Variants in GRIN2A observed in about 807,000 individuals in gnomAD.
GRIN2A encodes glutamate ionotropic receptor NMDA type subunit 2A.
Under a neutral mutation model 113.4 loss-of-function variants are expected in GRIN2A, and 22 were observed. The observed-to-expected ratio is 0.19, with a 90% CI of 0.14 to 0.28. GRIN2A has a LOEUF of 0.28. Ranked by LOEUF, GRIN2A falls within the 10% of genes least tolerant of loss-of-function variation. The pLI is 1.00. For synonymous variants in GRIN2A, 827 were observed against 738.4 expected, an observed-to-expected ratio of 1.12 and a Z score of -1.94; for missense variants, 1,502 against 1,887.0, an observed-to-expected ratio of 0.80 and a Z score of 3.78.
At position 10,174,103 on chromosome 16, in the gene GRIN2A, A is replaced by T. The variant is rs184679948; in HGVS notation, c.414+5895T>A. Among the ~76,000 whole-genome samples, 319 of 152,342 alleles carry T rather than the reference A, an allele frequency of 2.1e-3. 2 individuals carry two copies. The highest frequency in any genetic ancestry group is 7.5e-3 in the African/African-American group (310 of 41,574). On this transcript the variant is annotated intron_variant, in intron 2 of 12. Transcript: ENST00000330684. ...CACATAATCCATGGAGGATAGGTCC[A>T]ATATGAGCCATGAGAACAGAGGTGT...
intron 2 of GRIN2A, among the ~76,000 whole-genome samples, chr16:10,163,841 G>A (rs570323066): frequency 6.6e-6 from 1 of 152,176 alleles, no homozygotes; most frequent in Non-Finnish European, 1.5e-5. Flanking sequence ...CCTGCCACCT[G>A]GGCAATATCC....
intron 2 of GRIN2A, among the ~76,000 whole-genome samples, chr16:10,042,243 C>G (rs907402107): frequency 6.6e-6 from 1 of 152,192 alleles, no homozygotes; most frequent in Non-Finnish European, 1.5e-5. Flanking sequence ...TGGCAACTCT[C>G]TTCTCATGAA....
At chr16:9,822,125 T>A in intron 10 of GRIN2A, 139 bp downstream of exon 10, 2 of 926,392 alleles carry the variant, frequency 2.2e-6, no homozygotes, top group Non-Finnish European at 3.5e-6. Context: ...AAAACTGCCC[T>A]CAACTGGGGC....
intron 2 of GRIN2A, among the ~76,000 whole-genome samples, chr16:10,015,471 C>A (rs1303674025): frequency 6.6e-6 from 1 of 151,878 alleles, no homozygotes; most frequent in Non-Finnish European, 1.5e-5. Flanking sequence ...CTCAGTGACA[C>A]AACAACTAGT....
At chr16:9,975,911 G>A (rs563518840) in intron 2 of GRIN2A, among the ~76,000 whole-genome samples, 5 of 152,272 alleles carry the variant, frequency 3.3e-5, no homozygotes, top group Non-Finnish European at 7.4e-5. Flanking sequence ...CAGTATTCCC[G>A]GAGGGGCATT....
At chr16:10,101,162 C>T (rs531208804) in intron 2 of GRIN2A, among the ~76,000 whole-genome samples, 1 of 152,338 alleles carries the variant, frequency 6.6e-6, no homozygotes, top group South Asian at 2.1e-4. Context: ...CCAAAGCTTT[C>T]TGTTAGGTTG....
intron 2 of GRIN2A, among the ~76,000 whole-genome samples, chr16:10,149,196 G>A (rs2049511637): frequency 1.3e-5 from 2 of 152,188 alleles, no homozygotes. Flanking sequence ...CAACTTAATT[G>A]TATATTTTTA....
intron 2 of GRIN2A, among the ~76,000 whole-genome samples, chr16:10,143,383 T>C (rs1376514100): frequency 1.3e-5 from 2 of 152,220 alleles, no homozygotes; most frequent in Non-Finnish European, 2.9e-5. Context: ...GCCATTCTAC[T>C]ATATTAAAAA....
At chr16:9,983,228 A>T (rs1030202573) in intron 2 of GRIN2A, among the ~76,000 whole-genome samples, 10 of 152,164 alleles carry the variant, frequency 6.6e-5, no homozygotes, top group Non-Finnish European at 1.5e-4. Context: ...TGTCTAGCGT[A>T]ATTTTGTATC....
intron 2 of GRIN2A, among the ~76,000 whole-genome samples, chr16:10,138,229 A>C (rs1070485): frequency 0.43 from 65,305 of 152,118 alleles, 16,487 homozygotes; most frequent in East Asian, 0.85. Flanking sequence ...GAAGTCAGAG[A>C]GGGCTGAGTT....
In GRIN2A at chr16:9,998,265, C is replaced by T. The variant is rs552820726; in HGVS notation, c.415-59714G>A. Among the ~76,000 whole-genome samples the T allele has an allele frequency of 1.2e-4, 19 of 152,148 alleles. No individual in the cohort carries two copies. The South Asian group carries it at 2.5e-3, about 20-fold the overall frequency. ...TGTTATATAAGAGTGGCATGAACCT[C>T]GAAAACGTCATGATAAACGACAGGA... On this transcript the variant is annotated intron_variant, in intron 2 of 12. Coordinates refer to ENST00000330684, the MANE Select transcript of GRIN2A (RefSeq NM_001134407.3).
Position 9,926,205 on chromosome 16 carries a change from G to A in GRIN2A, c.1007+11754C>T, listed in dbSNP as rs531894012. On this transcript the variant is annotated intron_variant, in intron 3 of 12. Coordinates refer to ENST00000330684, the MANE Select transcript of GRIN2A (RefSeq NM_001134407.3). ...AAACAACTCAAATTCTCACCTGTAA[G>A]TTGAACCAAGAAGGAGGTTTATGAT... is the stretch of plus-strand genomic sequence containing the variant. Among the ~76,000 whole-genome samples, 3 of 152,318 alleles carry A rather than the reference G, an allele frequency of 2.0e-5. No individual in the cohort carries two copies. In the South Asian group the frequency reaches 6.2e-4, roughly 32 times the overall value.
chr16:10,160,190 T>C (rs918761120), intron 2 of GRIN2A, among the ~76,000 whole-genome samples: 2 of 152,228 alleles, frequency 1.3e-5, no homozygotes, highest in Non-Finnish European at 2.9e-5. Context: ...ACCTAGCCCC[T>C]TCTCCTAACT....
chr16:9,761,487 C>T lies in GRIN2A; in HGVS notation c.*1662G>A, dbSNP rs1342151309. The T allele has an allele frequency of 4.3e-6, 1 of 230,140 alleles. No homozygotes were observed. Among genetic ancestry groups the T allele is most frequent in the African/African-American group, 2.2e-5 (1 of 45,114 alleles). 14.3% of individuals were successfully genotyped at this position (230,140 alleles called of 1,614,324 possible). A position where few individuals can be genotyped will look rare whatever the true frequency, so the allele number is the denominator to read the frequency against. On this transcript the variant is annotated 3_prime_UTR_variant, in exon 13 of 13. Coordinates refer to ENST00000330684, the MANE Select transcript of GRIN2A (RefSeq NM_001134407.3). Reference sequence around the variant, plus strand: ...TGATGGCTAGTTATCCCAAATACTTCAAAAATATTCATGTACATGAAATAC... The same window carrying T: ...TGATGGCTAGTTATCCCAAATACTTTAAAAATATTCATGTACATGAAATAC...
At chr16:10,010,306 T>A (rs916298607) in intron 2 of GRIN2A, among the ~76,000 whole-genome samples, 3 of 152,208 alleles carry the variant, frequency 2.0e-5, no homozygotes, top group African/African-American at 7.2e-5. Context: ...CTTATTTTTC[T>A]TAGTCCTCCA....
At chr16:9,855,625 C>T (rs1014035072) in intron 4 of GRIN2A, among the ~76,000 whole-genome samples, 4 of 152,088 alleles carry the variant, frequency 2.6e-5, no homozygotes, top group Admixed American at 6.6e-5. Context: ...GATAAGCTGC[C>T]CTCCCAAATC....
At chr16:10,016,854 A>G (rs2141884594) in intron 2 of GRIN2A, among the ~76,000 whole-genome samples, 1 of 152,288 alleles carries the variant, frequency 6.6e-6, no homozygotes, top group East Asian at 1.9e-4. Flanking sequence ...CCCCACTATC[A>G]TCACTCACAT....
chr16:10,132,905 T>G (rs1354474826), intron 2 of GRIN2A, among the ~76,000 whole-genome samples: 1 of 152,224 alleles, frequency 6.6e-6, no homozygotes, highest in Non-Finnish European at 1.5e-5. Flanking sequence ...GCCTTCCTAG[T>G]GCTTCCTTCT....
chr16:9,886,095 A>T (rs2043580836), intron 4 of GRIN2A, among the ~76,000 whole-genome samples: 1 of 152,228 alleles, frequency 6.6e-6, no homozygotes, highest in South Asian at 2.1e-4. Flanking sequence ...GAAAATTCAC[A>T]GGTGTGAGTC....
Sources: allele counts gnomAD v4.1 joint callset (sites outside exome capture counted in the v4.1 genomes callset), GRCh38; gene constraint gnomAD v4.1.1; transcripts MANE v1.5; gene names NCBI Gene and HGNC (gene_info 2026-07-23, HGNC 2026-07-21).